EMILIN2: variants seen among roughly 807,000 people sequenced by gnomAD.
EMILIN2 encodes the protein EMILIN-2.
A neutral mutation model predicts 87.1 loss-of-function variants in EMILIN2; 71 were observed. That is an observed-to-expected ratio of 0.82 (90% CI 0.67 to 0.99). EMILIN2 has a LOEUF of 0.99. Among genes scored for constraint, EMILIN2 ranks in the 50% least tolerant of loss-of-function variants. EMILIN2 has a pLI of 0.00. For synonymous variants in EMILIN2, 581 were observed against 563.4 expected (o/e 1.03, Z -0.44); for missense variants, 1,407 against 1,371.8 (o/e 1.03, Z -0.40).
chr18:2,850,363 T>G (rs1249967952), intron 2 of EMILIN2, among the ~76,000 whole-genome samples: 2 of 151,908 alleles, frequency 1.3e-5, no homozygotes, highest in Non-Finnish European at 1.5e-5. Flanking sequence ...TCCAGAAGCC[T>G]GAGTCACCTG....
rs113730111 is a variant in EMILIN2 at position 2,913,065 on chromosome 18, A to G, written c.2825-2A>G. On this transcript the variant is annotated splice_acceptor_variant, in intron 7 of 7. Coordinates refer to ENST00000254528, the MANE Select transcript of EMILIN2 (RefSeq NM_032048.3). LOFTEE classifies it high-confidence loss of function. ...GCACAGGGTTTGCCTTTCTCCCCGC[A>G]GGGGTCTTCACGGCTCCTTATGATG... 3 of 1,607,878 alleles carry G rather than the reference A, an allele frequency of 1.9e-6. No individual in the cohort carries two copies. The highest frequency in any genetic ancestry group is 3.3e-5 in the Admixed American group (2 of 60,016).
At chr18:2,853,309 C>T (rs2076610488) in intron 2 of EMILIN2, among the ~76,000 whole-genome samples, 1 of 152,164 alleles carries the variant, frequency 6.6e-6, no homozygotes, top group African/African-American at 2.4e-5. Context: ...TCCTGCCACC[C>T]CCCCAGCCCT....
chr18:2,872,455 C>A (rs950571568), intron 2 of EMILIN2, among the ~76,000 whole-genome samples: 1 of 152,194 alleles, frequency 6.6e-6, no homozygotes, highest in Admixed American at 6.5e-5. Context: ...CCCTTATGCT[C>A]AAGCGAGCCT....
At chr18:2,851,779 A>C (rs899183063) in intron 2 of EMILIN2, among the ~76,000 whole-genome samples, 1 of 152,244 alleles carries the variant, frequency 6.6e-6, no homozygotes, top group African/African-American at 2.4e-5. Context: ...TTAAGTAATC[A>C]CTTTTCTGAT....
chr18:2,847,219 G>A lies in EMILIN2; in HGVS notation c.31G>A (p.Val11Met). 4.0e-6 allele frequency: 5 copies of A among 1,248,106 alleles called. No individual in the cohort carries two copies. The South Asian group carries it at 1.1e-4, about 28-fold the overall frequency. The allele number at this position is 1,248,106 out of a possible 1,614,324, so 77.3% of individuals were successfully genotyped here. MWQPRRPWPR[V>M]PWRWALALLA... ...GCAGCCCAGACGGCCCTGGCCCCGC[G>A]TGCCCTGGCGCTGGGCGCTGGCGCT... The change falls in exon 1 of 8, where the codon GTG becomes ATG. Residue 11 changes from valine to methionine, a missense_variant. Transcript: ENST00000254528. The surrounding 1 kb of genome is among the most constrained non-coding windows in gnomAD (Gnocchi z 4.5).
At chr18:2,884,238 G>C (rs1455853383) in intron 2 of EMILIN2, among the ~76,000 whole-genome samples, 1 of 151,972 alleles carries the variant, frequency 6.6e-6, no homozygotes, top group African/African-American at 2.4e-5. Context: ...TTACAGGCGT[G>C]AGCCACCGCG....
intron 4 of EMILIN2, among the ~76,000 whole-genome samples, chr18:2,897,675 G>A (rs2076869691): frequency 6.6e-6 from 1 of 152,166 alleles, no homozygotes; most frequent in Admixed American, 6.5e-5. Flanking sequence ...AGACCAGCCT[G>A]GGCAACACAG....
At chr18:2,892,821 G>A (rs72870053) in intron 4 of EMILIN2, among the ~76,000 whole-genome samples, 15,155 of 149,410 alleles carry the variant, frequency 0.1, 1,116 homozygotes, top group African/African-American at 0.2. Flanking sequence ...GGAGTCAAAG[G>A]AGGGTGGATC....
At chr18:2,906,694 C>G (rs571721953) in intron 4 of EMILIN2, 89 bp from the exon 5 acceptor site, 42 of 1,063,314 alleles carry the variant, frequency 3.9e-5, no homozygotes, top group Admixed American at 1.8e-4. Flanking sequence ...GGACCCCGCT[C>G]GCCGGGACTC....
Position 2,915,523 on chromosome 18 carries a change from CTTT to C in EMILIN2, c.*2131_*2133del, listed in dbSNP as rs11334875. 4 of 146,694 alleles carry C rather than the reference CTTT, an allele frequency of 2.7e-5. No individual in the cohort carries two copies. The highest frequency in any genetic ancestry group is 5.0e-5 in the African/African-American group (2 of 39,934). 9.1% of individuals were successfully genotyped at this position (146,694 alleles called of 1,614,324 possible). A position where few individuals can be genotyped will look rare whatever the true frequency, so the allele number is the denominator to read the frequency against. Reference sequence around the variant, plus strand: ...GACAGAATCAGGCACAAGTTCACAACTTTTTTTTTTTTTTGGGGGGAGACAGTC... The same window carrying C: ...GACAGAATCAGGCACAAGTTCACAACTTTTTTTTTTTGGGGGGAGACAGTC... On this transcript the variant is annotated 3_prime_UTR_variant, in exon 8 of 8. Transcript: ENST00000254528.
At position 2,880,381 on chromosome 18, in the gene EMILIN2, G is replaced by A. The variant is rs527893985; in HGVS notation, c.258-4583G>A. On this transcript the variant is annotated intron_variant, in intron 2 of 7. Coordinates refer to ENST00000254528, the MANE Select transcript of EMILIN2 (RefSeq NM_032048.3). This position sits in a 1 kb window ranked among gnomAD's most constrained non-coding sequence, Gnocchi z 4.1. Reference sequence around the variant, plus strand: ...ATGGGAAACCCTTGTTTTCACCTCCGAAAAGGGTTTTAGAGGAAGAGGCGG... The same window carrying A: ...ATGGGAAACCCTTGTTTTCACCTCCAAAAAGGGTTTTAGAGGAAGAGGCGG... Among the ~76,000 whole-genome samples, 20 of 152,190 alleles carry A rather than the reference G, an allele frequency of 1.3e-4. No individual in the cohort carries two copies. Among genetic ancestry groups the A allele is most frequent in the Non-Finnish European group, 5.9e-5 (4 of 68,032 alleles).
chr18:2,847,775 C>T lies in EMILIN2; in HGVS notation c.135-34C>T. On this transcript the variant is annotated intron_variant, in intron 1 of 7. Coordinates refer to ENST00000254528, the MANE Select transcript of EMILIN2 (RefSeq NM_032048.3). This position sits in a 1 kb window ranked among gnomAD's most constrained non-coding sequence, Gnocchi z 4.5. ...GGCCTCATTGTTCTCCGGGTTTACC[C>T]CGTGCCCCTCTCCCTCTCTCTCCTG... 6.2e-7 allele frequency: 1 copy of T among 1,608,600 alleles called. No homozygotes were observed. The highest frequency in any genetic ancestry group is 8.5e-7 in the Non-Finnish European group (1 of 1,178,910).
rs772897826 is a variant in EMILIN2, at chr18:2,892,143, G to A, written c.2016G>A (p.Glu672=). Residue 672 remains glutamate, a synonymous_variant, in exon 4 of 8, where the codon GAG becomes GAA. Transcript: ENST00000254528. The part of the protein sequence containing the change: ...PVAHCCSQLE[E]RWQRLQSQVI... ...CTCATTGCTGCAGTCAGCTGGAGGA[G>A]AGGTGGCAGAGGTTGCAGAGCCAGG... is the stretch of plus-strand genomic sequence containing the variant. 14 of 1,608,554 alleles carry A rather than the reference G, an allele frequency of 8.7e-6. No individual in the cohort carries two copies. In the South Asian group the frequency reaches 1.5e-4, roughly 18 times the overall value.
chr18:2,855,202 C>T (rs554122200), intron 2 of EMILIN2, among the ~76,000 whole-genome samples: 1 of 152,234 alleles, frequency 6.6e-6, no homozygotes, highest in Admixed American at 6.5e-5. Context: ...AATCTCCAGA[C>T]CTTCCTTTCA....
chr18:2,906,606 C>T (rs1178652063), intron 4 of EMILIN2, 177 bp from the exon 5 acceptor site: 2 of 459,788 alleles, frequency 4.3e-6, no homozygotes, highest in Admixed American at 4.6e-5. Flanking sequence ...TGGCCCGCGG[C>T]GTCCTCGGAA....
At position 2,863,660 on chromosome 18, in the gene EMILIN2, T is replaced by C. The variant is rs1209350695; in HGVS notation, c.257+15729T>C. Among the ~76,000 whole-genome samples, 5 of 150,878 alleles carry C rather than the reference T, an allele frequency of 3.3e-5. No homozygotes were observed. In the East Asian group the frequency reaches 1.2e-3, roughly 36 times the overall value. On this transcript the variant is annotated intron_variant, in intron 2 of 7. Transcript: ENST00000254528. ...TCCAACTATGTGGTCAATTTTGGAA[T>C]AGGTGTGATGTGGTGCTGAGAAGAA...
chr18:2,858,583 G>GTGTGTGTGTATATATATATA lies in EMILIN2; in HGVS notation c.257+10653_257+10654insGTGTGTGTATATATATATAT, dbSNP rs1180735843. 3.8e-4 allele frequency among the ~76,000 whole-genome samples: 24 copies of GTGTGTGTGTATATATATATA among 63,038 alleles called. 1 individual carries two copies. The highest frequency in any genetic ancestry group is 2.2e-3 in the African/African-American group (23 of 10,696). 41.4% of individuals were successfully genotyped at this position (63,038 alleles called of 152,430 possible). On this transcript the variant is annotated intron_variant, in intron 2 of 7. Coordinates refer to ENST00000254528, the MANE Select transcript of EMILIN2 (RefSeq NM_032048.3). ...TATATATATATATGTGTGTGTGTGT[G>GTGTGTGTGTATATATATATA]TATATATATATATATATATGTGTAT...
At chr18:2,857,318 G>T (rs2076632807) in intron 2 of EMILIN2, among the ~76,000 whole-genome samples, 1 of 152,038 alleles carries the variant, frequency 6.6e-6, no homozygotes, top group African/African-American at 2.4e-5. Context: ...GATTGCACAG[G>T]TTCTGCCTAA....
chr18:2,846,765 G>A, upstream of EMILIN2: 2 of 985,444 alleles, frequency 2.0e-6, no homozygotes, highest in Non-Finnish European at 2.4e-6. This position sits in a 1 kb window ranked among gnomAD's most constrained non-coding sequence, Gnocchi z 5.3. Flanking sequence ...GAGTCGCTCG[G>A]CATCTGGGAA....
Sources: allele counts gnomAD v4.1 joint callset (sites outside exome capture counted in the v4.1 genomes callset), GRCh38; gene constraint gnomAD v4.1.1; non-coding constraint Gnocchi (gnomAD v3.1); transcripts MANE v1.5; gene names NCBI Gene and HGNC (gene_info 2026-07-23, HGNC 2026-07-21).